The following C19orf44 variants were observed in gnomAD, a reference collection of about 807,000 sequenced individuals.
C19orf44 encodes chromosome 19 open reading frame 44.
C19orf44 carries 43 observed loss-of-function variants against 50.7 expected under a neutral mutation model. The ratio of observed to expected loss-of-function variants is 0.85; its 90% confidence interval spans 0.66 to 1.09. The LOEUF is 1.09. Ranked by LOEUF, C19orf44 falls within the 50% of genes least tolerant of loss-of-function variation. The pLI is 0.00. For missense variants in C19orf44, 722 were observed against 836.2 expected (o/e 0.86, Z 1.68); for synonymous variants, 298 against 334.7 (o/e 0.89, Z 1.20).
intron 5 of C19orf44, among the ~76,000 whole-genome samples, chr19:16,511,287 G>A (rs1259495423): frequency 1.3e-5 from 2 of 151,766 alleles, no homozygotes; most frequent in Non-Finnish European, 2.9e-5. Context: ...TGCCTGCCTC[G>A]GCCTCTCAAA....
At chr19:16,508,007 G>GTGTT (rs1269997317) in intron 4 of C19orf44, among the ~76,000 whole-genome samples, 1 of 151,560 alleles carries the variant, frequency 6.6e-6, no homozygotes, top group Non-Finnish European at 1.5e-5. Context: ...GGGTTTCACC[G>GTGTT]TGTTAGCCAG....
intron 6 of C19orf44, 66 bp from the exon 7 acceptor site, chr19:16,514,431 T>TGGG (rs377427270): frequency 2.3e-5 from 24 of 1,055,840 alleles, no homozygotes; most frequent in African/African-American, 1.8e-4. Context: ...ACCTGAGCGG[T>TGGG]GGGGGGGGGG....
chr19:16,517,162 C>A, intron 7 of C19orf44, 68 bp from the exon 8 acceptor site: 1 of 1,466,040 alleles, frequency 6.8e-7, no homozygotes, highest in Non-Finnish European at 9.5e-7. Context: ...ACTCCCTCCT[C>A]CAGCACCCTG....
chr19:16,501,066 GCCGC>G lies in C19orf44; in HGVS notation c.275_278del (p.Ala92AspfsTer3). On this transcript the variant is annotated frameshift_variant, in exon 2 of 9. Coordinates refer to ENST00000221671, the MANE Select transcript of C19orf44 (RefSeq NM_032207.4). LOFTEE classifies it high-confidence loss of function. ...CACTGCCTCCAGGATCCGAGCCAAT[GCCGC>G]ACTCATGAAGCTGGCCCAGCTGGAA... 6.2e-7 allele frequency: 1 copy of G among 1,614,132 alleles called. No homozygotes were observed. Among genetic ancestry groups the G allele is most frequent in the Non-Finnish European group, 8.5e-7 (1 of 1,180,044 alleles).
intron 8 of C19orf44, chr19:16,518,019 C>G (rs886284961): frequency 6.6e-6 from 1 of 152,188 alleles, no homozygotes. Context: ...AAATCTAGAA[C>G]AAAATCAAAT....
At position 16,521,036 on chromosome 19, in the gene C19orf44, G is replaced by A. The variant is rs1216794724; in HGVS notation, c.*983G>A. ...ACATGGCCCTGTGGCTGTGGGCTCCGAGCATGGGCGCAGTAGAGCTTGGTT... is the reference window on the plus strand; with the variant it reads ...ACATGGCCCTGTGGCTGTGGGCTCCAAGCATGGGCGCAGTAGAGCTTGGTT... On this transcript the variant is annotated 3_prime_UTR_variant, in exon 9 of 9. Transcript: ENST00000221671. 1.1e-5 allele frequency: 9 copies of A among 805,562 alleles called. No homozygotes were observed. Among genetic ancestry groups the A allele is most frequent in the Admixed American group, 3.9e-5 (2 of 51,000 alleles). The allele number at this position is 805,562 out of a possible 1,614,324, so 49.9% of individuals were successfully genotyped here.
Position 16,501,075 on chromosome 19 carries a change from A to C in C19orf44, c.283A>C (p.Met95Leu), listed in dbSNP as rs142529945. 14 of 1,614,132 alleles carry C rather than the reference A, an allele frequency of 8.7e-6. No individual in the cohort carries two copies. In the South Asian group the frequency reaches 1.2e-4, roughly 14 times the overall value. The change falls in exon 2 of 9, where the codon ATG (methionine) becomes CTG (leucine). Residue 95 changes from methionine to leucine, a missense_variant. Met to Leu is a conservative substitution (Grantham distance 15). Transcript: ENST00000221671. ...ASRIRANAAL[M>L]KLAQLETRIM... ...CAGGATCCGAGCCAATGCCGCACTC[A>C]TGAAGCTGGCCCAGCTGGAAACCCG...
chr19:16,498,788 G>A (rs748007377), intron 1 of C19orf44, among the ~76,000 whole-genome samples: 71 of 150,518 alleles, frequency 4.7e-4, no homozygotes, highest in African/African-American at 1.2e-3. Context: ...CTCCTGCCTC[G>A]GCCTCCTGAG....
intron 4 of C19orf44, 27 bp from the exon 5 acceptor site, chr19:16,509,472 A>G: frequency 6.5e-7 from 1 of 1,526,968 alleles, no homozygotes; most frequent in Non-Finnish European, 8.8e-7. Context: ...AACACTTCCC[A>G]GCCACCTCTG....
intron 4 of C19orf44, 114 bp from the exon 5 acceptor site, chr19:16,509,385 T>C: frequency 7.3e-7 from 1 of 1,362,740 alleles, no homozygotes; most frequent in Non-Finnish European, 1.0e-6. Context: ...GGACCTGGTG[T>C]GTCCCCTTGT....
chr19:16,506,397 C>T (rs1283288336), intron 3 of C19orf44, among the ~76,000 whole-genome samples: 1 of 151,984 alleles, frequency 6.6e-6, no homozygotes, highest in Non-Finnish European at 1.5e-5. Flanking sequence ...AATTCAAGAC[C>T]AGCCTGGCCA....
chr19:16,506,829 T>G, intron 4 of C19orf44, 55 bp downstream of exon 4: 1 of 1,327,186 alleles, frequency 7.5e-7, no homozygotes, highest in South Asian at 1.3e-5. Flanking sequence ...TCAACATTTT[T>G]TTTTTTAAAT....
chr19:16,497,105 T>G (rs920374334), intron 1 of C19orf44, among the ~76,000 whole-genome samples: 8 of 152,088 alleles, frequency 5.3e-5, no homozygotes, highest in African/African-American at 1.7e-4. Context: ...GCCACTGCAC[T>G]CCGGCTAATT....
chr19:16,501,591 T>G, intron 2 of C19orf44, 40 bp downstream of exon 2: 1 of 1,260,170 alleles, frequency 7.9e-7, no homozygotes, highest in Non-Finnish European at 1.0e-6. Flanking sequence ...TTTAATTTAT[T>G]TAATTTAATT....
In C19orf44 at chr19:16,501,412, C is replaced by T; in HGVS notation, c.620C>T (p.Thr207Ile). The T allele has an allele frequency of 6.2e-7, 1 of 1,613,900 alleles. No homozygotes were observed. The highest frequency in any genetic ancestry group is 2.2e-5 in the East Asian group (1 of 44,872). ...CCCAAACAGAAAGAACCTGCTAGAA[C>T]ATTTGATTCTCCAGACAGTGACGAA... Reference protein sequence around the residue: ...QTPKQKEPARTFDSPDSDEEE... With the variant: ...QTPKQKEPARIFDSPDSDEEE... The change falls in exon 2 of 9, where the codon ACA (threonine) becomes ATA (isoleucine). Residue 207 changes from threonine to isoleucine, a missense_variant. Coordinates refer to ENST00000221671, the MANE Select transcript of C19orf44 (RefSeq NM_032207.4).
At chr19:16,498,735 A>G (rs1424097259) in intron 1 of C19orf44, among the ~76,000 whole-genome samples, 2 of 150,212 alleles carry the variant, frequency 1.3e-5, no homozygotes, top group Non-Finnish European at 3.0e-5. Context: ...CAATGGCGCG[A>G]TCTCGGTTCA....
chr19:16,498,326 C>T lies in C19orf44; in HGVS notation c.-2+1861C>T, dbSNP rs182066215. Among the ~76,000 whole-genome samples the T allele has an allele frequency of 2.2e-3, 332 of 152,208 alleles. 3 individuals are homozygous for T. Among genetic ancestry groups the T allele is most frequent in the African/African-American group, 5.6e-3 (234 of 41,532 alleles). On this transcript the variant is annotated intron_variant, in intron 1 of 8. Coordinates refer to ENST00000221671, the MANE Select transcript of C19orf44 (RefSeq NM_032207.4). ...AGAGATAGGGTCTTGCCCTATCATC[C>T]GGGCTGGAGTCCAGTGGCACGATCA...
rs2122229317 is a variant in C19orf44, at chr19:16,517,271, T to C, written c.1944T>C (p.Asp648=). 6.2e-7 allele frequency: 1 copy of C among 1,614,132 alleles called. No individual in the cohort carries two copies. The highest frequency in any genetic ancestry group is 8.5e-7 in the Non-Finnish European group (1 of 1,180,012). ...CHRPAPLTME[D]ALEEVNKEL is the part of the protein sequence containing the mutation. ...GACCTGCCCCACTGACCATGGAGGATGCCCTGGAGGAGGTGAACAAGGAGC... is the reference window on the plus strand; with the variant it reads ...GACCTGCCCCACTGACCATGGAGGACGCCCTGGAGGAGGTGAACAAGGAGC... Residue 648 remains aspartate, a synonymous_variant, in exon 8 of 9, where the codon GAT becomes GAC. Transcript: ENST00000221671.
At chr19:16,512,074 A>T (rs1017600998) in intron 5 of C19orf44, among the ~76,000 whole-genome samples, 1 of 146,116 alleles carries the variant, frequency 6.8e-6, no homozygotes, top group Non-Finnish European at 1.5e-5. Flanking sequence ...ATTTGTTTTG[A>T]TTTGGGGGCT....
Sources: allele counts gnomAD v4.1 joint callset (sites outside exome capture counted in the v4.1 genomes callset), GRCh38; gene constraint gnomAD v4.1.1; transcripts MANE v1.5; gene names NCBI Gene and HGNC (gene_info 2026-07-23, HGNC 2026-07-21).